RUBCNL: variants seen among roughly 807,000 people sequenced by gnomAD.
RUBCNL encodes the protein rubicon like autophagy enhancer, also known as protein associated with UVRAG as autophagy enhancer.
Under a neutral mutation model 69.5 loss-of-function variants are expected in RUBCNL, and 62 were observed. The observed-to-expected ratio is 0.89, with a 90% CI of 0.73 to 1.10. The LOEUF is 1.10. Ranked by LOEUF, RUBCNL falls within the 50% of genes least tolerant of loss-of-function variation. The probability of loss-of-function intolerance (pLI) is 0.00; values close to 1 mark genes in which losing one functional copy is unlikely to be tolerated. For missense variants in RUBCNL, 768 were observed against 798.1 expected, an observed-to-expected ratio of 0.96 and a Z score of 0.45; for synonymous variants, 291 against 303.6, an observed-to-expected ratio of 0.96 and a Z score of 0.43.
intron 12 of RUBCNL, 74 bp downstream of exon 12, chr13:46,349,212 C>T: frequency 7.7e-7 from 1 of 1,302,782 alleles, no homozygotes; most frequent in Non-Finnish European, 1.1e-6. Context: ...AATGGGGGAG[C>T]CAGATGCAGG....
rs952170051 is a variant in RUBCNL at position 46,387,209 on chromosome 13, C to A, written c.-314G>T. On this transcript the variant is annotated 5_prime_UTR_variant, in exon 1 of 15. Transcript: ENST00000429979. Reference sequence around the variant, plus strand: ...GGGTCCTCCCTCGCGCGGCTCCGGGCAGCGTTCCGTGGCCACCGCGCTCCC... The same window carrying A: ...GGGTCCTCCCTCGCGCGGCTCCGGGAAGCGTTCCGTGGCCACCGCGCTCCC... The A allele has an allele frequency of 4.1e-6, 4 of 985,286 alleles. No homozygotes were observed. The African/African-American group carries it at 5.2e-5, about 13-fold the overall frequency. 61.0% of individuals were successfully genotyped at this position (985,286 alleles called of 1,614,324 possible).
chr13:46,359,605 T>C lies in RUBCNL; in HGVS notation c.1146A>G (p.Lys382=), dbSNP rs573184665. ...CTACATTCATACTGGATTCAAAGTCTTTTCGGACACACTCTTCATTTACGA... is the reference window on the plus strand; with the variant it reads ...CTACATTCATACTGGATTCAAAGTCCTTTCGGACACACTCTTCATTTACGA... ...SIVVNEECVR[K]DFESSMNVVQ... The change falls in exon 9 of 15, where the codon AAA becomes AAG. Residue 382 remains lysine, a synonymous_variant. Coordinates refer to ENST00000429979, the MANE Select transcript of RUBCNL (RefSeq NM_025113.5). The C allele has an allele frequency of 3.1e-6, 5 of 1,592,194 alleles. No individual in the cohort carries two copies. Among genetic ancestry groups the C allele is most frequent in the Non-Finnish European group, 4.3e-6 (5 of 1,168,320 alleles).
intron 12 of RUBCNL, among the ~76,000 whole-genome samples, 175 bp downstream of exon 12, chr13:46,349,111 T>G (rs2048313160): frequency 6.6e-6 from 1 of 152,206 alleles, no homozygotes; most frequent in Admixed American, 6.5e-5. Context: ...AACAGACTAA[T>G]GCATCCCACT....
At position 46,368,789 on chromosome 13, in the gene RUBCNL, T is replaced by C; in HGVS notation, c.562A>G (p.Ile188Val). 6.2e-7 allele frequency: 1 copy of C among 1,613,798 alleles called. No homozygotes were observed. Among genetic ancestry groups the C allele is most frequent in the Non-Finnish European group, 8.5e-7 (1 of 1,179,784 alleles). ...TCTGGTGAGAAGGAATTCGAAGAAA[T>C]GGTTCTTCTACTGACTTGAACAGCA... is the stretch of plus-strand genomic sequence containing the variant. ...EGAVQVSRRT[I>V]SSNSFSPEVF... The change falls in exon 4 of 15, where the codon ATT (isoleucine) becomes GTT (valine). Residue 188 changes from isoleucine (I) to valine (V), a missense_variant. Coordinates refer to ENST00000429979, the MANE Select transcript of RUBCNL (RefSeq NM_025113.5).
chr13:46,347,992 C>CA lies in RUBCNL; in HGVS notation c.1631+1293dup, dbSNP rs1291216034. 1.9e-3 allele frequency among the ~76,000 whole-genome samples: 288 copies of CA among 148,954 alleles called. 2 individuals are homozygous for CA. Among genetic ancestry groups the CA allele is most frequent in the African/African-American group, 6.4e-3 (260 of 40,488 alleles). On this transcript the variant is annotated intron_variant, in intron 12 of 14. Coordinates refer to ENST00000429979, the MANE Select transcript of RUBCNL (RefSeq NM_025113.5). ...TGGGCGACAGAAGGAGACTCCGTCT[C>CA]AAAAAAAAAGAAGGAAGGAAATTCT...
intron 7 of RUBCNL, among the ~76,000 whole-genome samples, 181 bp downstream of exon 7, chr13:46,362,357 A>T (rs2048632636): frequency 6.6e-6 from 1 of 152,252 alleles, no homozygotes; most frequent in Admixed American, 6.5e-5. Flanking sequence ...TATATATTGT[A>T]AAACACTATA....
At chr13:46,373,917 T>C (rs1291986709) in intron 2 of RUBCNL, among the ~76,000 whole-genome samples, 1 of 152,268 alleles carries the variant, frequency 6.6e-6, no homozygotes, top group Non-Finnish European at 1.5e-5. Context: ...TCCTGAAACC[T>C]GCTCCTTCCC....
chr13:46,356,801 T>A (rs2048495754), intron 9 of RUBCNL, among the ~76,000 whole-genome samples: 1 of 151,872 alleles, frequency 6.6e-6, no homozygotes. Context: ...ACTCCTCGGC[T>A]CAGCTCAAGC....
chr13:46,387,332 A>G (rs925215760), upstream of RUBCNL: 6 of 985,398 alleles, frequency 6.1e-6, no homozygotes, highest in East Asian at 1.1e-4. Context: ...GGGCCACCGT[A>G]GCTCTCTAGA....
intron 8 of RUBCNL, among the ~76,000 whole-genome samples, chr13:46,360,280 G>A (rs1426945545): frequency 2.6e-5 from 4 of 152,130 alleles, no homozygotes; most frequent in Non-Finnish European, 4.4e-5. Context: ...GGAGGTTGCA[G>A]TGAGTCGAGC....
rs567223404 is a variant in RUBCNL at position 46,375,394 on chromosome 13, G to A, written c.-123+2496C>T. ...CTAAAAATACAAAAATTAGCTGGGC[G>A]TGGTGGCGGGCGCCTATAATCCCAG... On this transcript the variant is annotated intron_variant, in intron 2 of 14. Transcript: ENST00000429979. Among the ~76,000 whole-genome samples the A allele has an allele frequency of 4.6e-5, 7 of 152,258 alleles. No homozygotes were observed. The South Asian group carries it at 1.0e-3, about 23-fold the overall frequency.
In RUBCNL at chr13:46,350,109, T is replaced by C; in HGVS notation, c.1569+4A>G. The C allele has an allele frequency of 6.5e-7, 1 of 1,546,392 alleles. No homozygotes were observed. The highest frequency in any genetic ancestry group is 8.8e-7 in the Non-Finnish European group (1 of 1,139,960). On this transcript the variant is annotated splice_donor_region_variant and intron_variant, in intron 11 of 14. Coordinates refer to ENST00000429979, the MANE Select transcript of RUBCNL (RefSeq NM_025113.5). ...AGAGGGATGGGGTTGGGGCTGCGGCTCACCTTCACTCTGTCCAGCTCCTTG... is the reference window on the plus strand; with the variant it reads ...AGAGGGATGGGGTTGGGGCTGCGGCCCACCTTCACTCTGTCCAGCTCCTTG...
intron 3 of RUBCNL, among the ~76,000 whole-genome samples, chr13:46,371,167 G>A (rs1594170438): frequency 1.3e-5 from 2 of 152,276 alleles, no homozygotes; most frequent in East Asian, 3.9e-4. Flanking sequence ...TAGACAGGCA[G>A]GCAGCAGGCA....
chr13:46,344,562 C>T (rs565844145), intron 14 of RUBCNL, among the ~76,000 whole-genome samples, 179 bp downstream of exon 14: 37 of 152,214 alleles, frequency 2.4e-4, no homozygotes, highest in African/African-American at 7.9e-4. Flanking sequence ...CTTCTGTGCC[C>T]AAAACTTCAT....
chr13:46,343,701 C>T (rs1389057225), intron 14 of RUBCNL, among the ~76,000 whole-genome samples: 1 of 152,116 alleles, frequency 6.6e-6, no homozygotes, highest in Non-Finnish European at 1.5e-5. Flanking sequence ...AGGTCATGAA[C>T]AGGAGGCTCA....
chr13:46,365,302 C>CAAAA (rs34280215), intron 5 of RUBCNL, among the ~76,000 whole-genome samples: 5 of 59,456 alleles, frequency 8.4e-5, no homozygotes, highest in African/African-American at 2.7e-4. Context: ...GACTCCATCT[C>CAAAA]AAAAAAAAAA....
At chr13:46,353,052 AC>A (rs2048405409) in intron 10 of RUBCNL, among the ~76,000 whole-genome samples, 1 of 152,142 alleles carries the variant, frequency 6.6e-6, no homozygotes, top group African/African-American at 2.4e-5. Context: ...CAGGATTCCA[AC>A]CCAAGCCTGG....
chr13:46,360,064 A>C (rs9534381), intron 8 of RUBCNL, among the ~76,000 whole-genome samples: 19 of 152,064 alleles, frequency 1.2e-4, no homozygotes, highest in Admixed American at 1.0e-3. Flanking sequence ...CTCCCCGCTG[A>C]ACCACTGGAC....
At chr13:46,350,397 C>T in intron 10 of RUBCNL, 46 bp from the exon 11 acceptor site, 1 of 1,393,302 alleles carries the variant, frequency 7.2e-7, no homozygotes, top group Non-Finnish European at 9.8e-7. Flanking sequence ...GTGCTGAAAA[C>T]CTATCCTGGT....
Sources: allele counts gnomAD v4.1 joint callset (sites outside exome capture counted in the v4.1 genomes callset), GRCh38; gene constraint gnomAD v4.1.1; transcripts MANE v1.5; gene names NCBI Gene and HGNC (gene_info 2026-07-23, HGNC 2026-07-21).